The following CNTN4 variants were observed in gnomAD, a reference collection of about 807,000 sequenced individuals.
The protein encoded by CNTN4 is contactin 4.
In CNTN4, 77 loss-of-function variants were observed where a neutral mutation model predicts 122.5. The ratio of observed to expected loss-of-function variants is 0.63; its 90% confidence interval spans 0.52 to 0.76. The LOEUF (loss-of-function observed/expected upper bound fraction) is 0.76, where lower values mean the gene tolerates loss of function less well. Among genes scored for constraint, CNTN4 ranks in the 30% least tolerant of loss-of-function variants. The pLI is 0.00. For synonymous variants in CNTN4, 512 were observed against 447.0 expected (o/e 1.15, Z -1.83); for missense variants, 1,256 against 1,259.1 (o/e 1.00, Z 0.04).
At chr3:2,426,713 G>A (rs949450301) in intron 3 of CNTN4, among the ~76,000 whole-genome samples, 21 of 152,032 alleles carry the variant, frequency 1.4e-4, no homozygotes, top group African/African-American at 5.1e-4. Flanking sequence ...ACTTTTTTTG[G>A]TTGGTAGGCT....
intron 3 of CNTN4, among the ~76,000 whole-genome samples, chr3:2,545,369 T>C (rs2078201255): frequency 6.6e-6 from 1 of 152,086 alleles, no homozygotes; most frequent in African/African-American, 2.4e-5. Flanking sequence ...TAGATGTCTT[T>C]TGGGTCCATT....
intron 14 of CNTN4, among the ~76,000 whole-genome samples, chr3:2,990,734 G>A (rs112107673): frequency 0.027 from 4,154 of 152,240 alleles, 75 homozygotes; most frequent in East Asian, 0.1. Flanking sequence ...CCTCATTTTT[G>A]TGTGGTTATA....
At position 2,554,652 on chromosome 3, in the gene CNTN4, G is replaced by C. The variant is rs1474943993; in HGVS notation, c.-88-16764G>C. Among the ~76,000 whole-genome samples the C allele has an allele frequency of 2.0e-5, 3 of 152,016 alleles. No homozygotes were observed. In the South Asian group the frequency reaches 6.2e-4, roughly 32 times the overall value. On this transcript the variant is annotated intron_variant, in intron 3 of 24. Transcript: ENST00000418658. ...CGATATGATTTTTGTCACACTACTT[G>C]CCTCTGCTATAGTATCACAAAAGCA...
intron 3 of CNTN4, among the ~76,000 whole-genome samples, chr3:2,369,923 A>T (rs115258384): frequency 1.3e-5 from 2 of 152,070 alleles, no homozygotes; most frequent in Non-Finnish European, 2.9e-5. Context: ...GCCTGTTTAT[A>T]CTGTCACCAT....
chr3:2,694,555 C>A (rs1323154739), intron 4 of CNTN4, among the ~76,000 whole-genome samples: 3 of 152,074 alleles, frequency 2.0e-5, no homozygotes, highest in African/African-American at 4.8e-5. Context: ...CATAACAAAG[C>A]CCCGTCTCTA....
At chr3:2,612,197 A>C (rs1413289756) in intron 4 of CNTN4, among the ~76,000 whole-genome samples, 4 of 152,104 alleles carry the variant, frequency 2.6e-5, no homozygotes, top group Admixed American at 2.0e-4. Flanking sequence ...AACCCATCAT[A>C]AGTTAAAAAT....
intron 3 of CNTN4, among the ~76,000 whole-genome samples, chr3:2,499,506 A>G (rs890954247): frequency 7.9e-5 from 12 of 152,072 alleles, no homozygotes; most frequent in African/African-American, 2.4e-4. Flanking sequence ...TGTGAATTAC[A>G]TACCAATAAA....
In CNTN4 at chr3:2,584,675, T is replaced by A. The variant is rs531606778; in HGVS notation, c.55+13117T>A. 8.3e-5 allele frequency among the ~76,000 whole-genome samples: 9 copies of A among 108,864 alleles called. No individual in the cohort carries two copies. In the Admixed American group the frequency reaches 1.0e-3, roughly 12 times the overall value. 71.4% of individuals were successfully genotyped at this position (108,864 alleles called of 152,430 possible). ...TCGTGCCACTGTACTCCAGCCTGGATGACAAAAGCAAAACTCCGTCTCAAA... is the reference window on the plus strand; with the variant it reads ...TCGTGCCACTGTACTCCAGCCTGGAAGACAAAAGCAAAACTCCGTCTCAAA... On this transcript the variant is annotated intron_variant, in intron 4 of 24. Transcript: ENST00000418658.
rs186717454 is a variant in CNTN4, at chr3:2,107,740, C to G, written c.-145+7101C>G. 2.9e-4 allele frequency among the ~76,000 whole-genome samples: 44 copies of G among 151,782 alleles called. 1 individual carries two copies. In the East Asian group the frequency reaches 8.0e-3, roughly 27 times the overall value. On this transcript the variant is annotated intron_variant, in intron 2 of 24. Transcript: ENST00000418658. ...GTGAATACTGATTTATTAGACCAAG[C>G]AAAAAAGAGGAAAGAATACTGGATA...
At chr3:2,704,295 TCAAAAAAAAA>T (rs369055084) in intron 4 of CNTN4, among the ~76,000 whole-genome samples, 1,564 of 48,040 alleles carry the variant, frequency 0.033, 33 homozygotes, top group African/African-American at 0.13. Flanking sequence ...AGACTTCATT[TCAAAAAAAAA>T]AAAAAAAAAA....
At chr3:3,009,441 C>CTT (rs374617072) in intron 14 of CNTN4, among the ~76,000 whole-genome samples, 13 of 149,120 alleles carry the variant, frequency 8.7e-5, no homozygotes, top group African/African-American at 2.0e-4. Context: ...GACAGAATTT[C>CTT]TTTTTTTTTT....
chr3:2,729,458 C>G (rs536935598), intron 4 of CNTN4, among the ~76,000 whole-genome samples: 2 of 146,362 alleles, frequency 1.4e-5, no homozygotes, highest in African/African-American at 2.6e-5. Flanking sequence ...GCAGGAGAAT[C>G]GCTCAAACCT....
intron 7 of CNTN4, among the ~76,000 whole-genome samples, chr3:2,857,794 A>T (rs776662101): frequency 3.3e-5 from 5 of 152,138 alleles, no homozygotes; most frequent in Non-Finnish European, 5.9e-5. Flanking sequence ...TATGTTGCCC[A>T]TGCTAGTCTG....
At chr3:2,607,610 C>CACACACACACACACACACACACACACACA (rs10530695) in intron 4 of CNTN4, among the ~76,000 whole-genome samples, 2 of 145,374 alleles carry the variant, frequency 1.4e-5, no homozygotes, top group East Asian at 2.0e-4. Flanking sequence ...ACATATGCAT[C>CACACACACACACACACACACACACACACA]CACACACACA....
At chr3:2,284,727 T>A (rs892795544) in intron 2 of CNTN4, among the ~76,000 whole-genome samples, 1 of 151,968 alleles carries the variant, frequency 6.6e-6, no homozygotes, top group African/African-American at 2.4e-5. Flanking sequence ...TTCTTAAAGG[T>A]AATATAAATT....
intron 7 of CNTN4, among the ~76,000 whole-genome samples, chr3:2,849,358 G>T (rs1559577162): frequency 1.3e-5 from 2 of 152,212 alleles, no homozygotes; most frequent in Non-Finnish European, 1.5e-5. Flanking sequence ...ACAACATTGG[G>T]AATGGATGTA....
At chr3:2,705,845 TATATA>T (rs1340074541) in intron 4 of CNTN4, among the ~76,000 whole-genome samples, 15 of 101,640 alleles carry the variant, frequency 1.5e-4, no homozygotes, top group East Asian at 1.3e-3. Flanking sequence ...TAATATATAA[TATATA>T]ATATATGTGT....
chr3:2,420,121 C>A (rs945173656), intron 3 of CNTN4, among the ~76,000 whole-genome samples: 2 of 152,136 alleles, frequency 1.3e-5, no homozygotes, highest in Non-Finnish European at 2.9e-5. Flanking sequence ...GCTGTCAGTG[C>A]CCTATCCATA....
intron 3 of CNTN4, among the ~76,000 whole-genome samples, chr3:2,480,152 C>T (rs563402773): frequency 3.3e-5 from 5 of 151,850 alleles, no homozygotes; most frequent in Admixed American, 3.3e-4. Context: ...AAAAACCCTA[C>T]AGTTAACATC....
Sources: allele counts gnomAD v4.1 joint callset (sites outside exome capture counted in the v4.1 genomes callset), GRCh38; gene constraint gnomAD v4.1.1; transcripts MANE v1.5; gene names NCBI Gene and HGNC (gene_info 2026-07-23, HGNC 2026-07-21).